SEMA6D: variants seen among roughly 807,000 people sequenced by gnomAD.
SEMA6D encodes the protein semaphorin 6D.
In SEMA6D, 35 loss-of-function variants were observed where a neutral mutation model predicts 106.6. The observed-to-expected ratio is 0.33, with a 90% CI of 0.25 to 0.44. The LOEUF (loss-of-function observed/expected upper bound fraction) is 0.44. Ranked by LOEUF, SEMA6D falls within the 20% of genes least tolerant of loss-of-function variation. The pLI, the probability that SEMA6D is intolerant of heterozygous loss-of-function variation, is 1.00. For missense variants in SEMA6D, 1,185 were observed against 1,345.9 expected, an observed-to-expected ratio of 0.88 and a Z score of 1.87; for synonymous variants, 499 against 487.7, an observed-to-expected ratio of 1.02 and a Z score of -0.31.
chr15:47,198,792 T>C (rs567790912), intron 1 of SEMA6D, among the ~76,000 whole-genome samples: 1 of 152,184 alleles, frequency 6.6e-6, no homozygotes, highest in Non-Finnish European at 1.5e-5. Flanking sequence ...ACCAATATTT[T>C]TGACAAACTG....
At chr15:47,305,320 G>C (rs1276672470) in intron 1 of SEMA6D, among the ~76,000 whole-genome samples, 1 of 152,204 alleles carries the variant, frequency 6.6e-6, no homozygotes, top group Non-Finnish European at 1.5e-5. Context: ...TGGCCCATGG[G>C]ATGACCTGGT....
chr15:47,627,670 A>G (rs2077226115), intron 4 of SEMA6D, among the ~76,000 whole-genome samples: 1 of 152,164 alleles, frequency 6.6e-6, no homozygotes, highest in Non-Finnish European at 1.5e-5. Flanking sequence ...ACACTCTTGT[A>G]AGAAATAGTG....
intron 4 of SEMA6D, among the ~76,000 whole-genome samples, chr15:47,685,341 G>T (rs2078445803): frequency 6.6e-6 from 1 of 152,188 alleles, no homozygotes; most frequent in South Asian, 2.1e-4. Context: ...AGGCAGGAGG[G>T]AGAGAGAAGG....
chr15:47,314,679 A>G (rs1029973384), intron 1 of SEMA6D, among the ~76,000 whole-genome samples: 6 of 150,844 alleles, frequency 4.0e-5, no homozygotes, highest in African/African-American at 7.3e-5. Context: ...TTCTTTTGCA[A>G]ATATTTTCTT....
intron 2 of SEMA6D, among the ~76,000 whole-genome samples, chr15:47,437,145 G>A (rs972497291): frequency 6.6e-6 from 1 of 152,036 alleles, no homozygotes; most frequent in South Asian, 2.1e-4. Flanking sequence ...TCCTCACCAT[G>A]AAAAAGAAGT....
intron 4 of SEMA6D, among the ~76,000 whole-genome samples, chr15:47,610,657 A>G (rs992491354): frequency 2.6e-5 from 4 of 152,194 alleles, no homozygotes; most frequent in African/African-American, 9.7e-5. Context: ...CATTCGGAGT[A>G]TAATAATTTA....
In SEMA6D at chr15:47,550,059, A is replaced by G. The variant is rs549843324; in HGVS notation, c.-86-50806A>G. Among the ~76,000 whole-genome samples, 229 of 152,320 alleles carry G rather than the reference A, an allele frequency of 1.5e-3. 1 individual carries two copies. The highest frequency in any genetic ancestry group is 2.4e-3 in the Non-Finnish European group (163 of 68,020). ...TGCCCAAGTATTGGCCTTTTGAGACACTGGAGAACATGTTGCTATGGTATG... is the reference window on the plus strand; with the variant it reads ...TGCCCAAGTATTGGCCTTTTGAGACGCTGGAGAACATGTTGCTATGGTATG... On this transcript the variant is annotated intron_variant, in intron 3 of 19. Transcript: ENST00000558014.
At chr15:47,225,423 T>C (rs1172923461) in intron 1 of SEMA6D, among the ~76,000 whole-genome samples, 1 of 151,840 alleles carries the variant, frequency 6.6e-6, no homozygotes, top group African/African-American at 2.4e-5. Flanking sequence ...GAACATCTAT[T>C]CATATGCTTA....
intron 3 of SEMA6D, among the ~76,000 whole-genome samples, chr15:47,499,929 G>T (rs962373128): frequency 3.1e-5 from 4 of 129,264 alleles, no homozygotes; most frequent in Non-Finnish European, 6.7e-5. Context: ...ACCCATGGAG[G>T]TTCTTGACAT....
rs116585603 is a variant in SEMA6D at position 47,663,057 on chromosome 15, G to A, written c.-55+62161G>A. The stretch of plus-strand genomic sequence containing the variant: ...ATGCCAGAAGGCATTGAAGATCAGA[G>A]TAAAGTACTCGTAATTAAATTTCAA... On this transcript the variant is annotated intron_variant, in intron 4 of 19. Transcript: ENST00000558014. Among the ~76,000 whole-genome samples the A allele has an allele frequency of 4.1e-3, 623 of 152,234 alleles. 4 individuals carry two copies. Among genetic ancestry groups the A allele is most frequent in the African/African-American group, 0.014 (575 of 41,532 alleles).
chr15:47,499,246 C>A (rs1020437064), intron 3 of SEMA6D, among the ~76,000 whole-genome samples: 1 of 152,074 alleles, frequency 6.6e-6, no homozygotes, highest in African/African-American at 2.4e-5. Flanking sequence ...GATATTTTCT[C>A]CTCTCTAGTC....
intron 3 of SEMA6D, among the ~76,000 whole-genome samples, chr15:47,483,541 T>C (rs991273235): frequency 1.1e-4 from 17 of 152,156 alleles, no homozygotes; most frequent in African/African-American, 3.6e-4. Flanking sequence ...GAGTCTTAAC[T>C]GTAATAGTCA....
chr15:47,391,120 G>T (rs926113959), intron 1 of SEMA6D, among the ~76,000 whole-genome samples: 1 of 152,120 alleles, frequency 6.6e-6, no homozygotes, highest in Admixed American at 6.5e-5. Flanking sequence ...TTCCTCTTAA[G>T]TTGTGAGATA....
intron 1 of SEMA6D, among the ~76,000 whole-genome samples, chr15:47,322,852 A>C (rs2036975875): frequency 6.6e-6 from 1 of 152,166 alleles, no homozygotes; most frequent in Non-Finnish European, 1.5e-5. Flanking sequence ...TTCCTTCCCT[A>C]AGAGAACATA....
intron 3 of SEMA6D, among the ~76,000 whole-genome samples, chr15:47,541,198 A>C (rs2045342713): frequency 6.6e-6 from 1 of 152,168 alleles, no homozygotes; most frequent in Non-Finnish European, 1.5e-5. Flanking sequence ...GAAATACTCA[A>C]GTGTTTGGTT....
chr15:47,766,511 GC>G, intron 15 of SEMA6D, 104 bp from the exon 16 acceptor site: 1 of 902,972 alleles, frequency 1.1e-6, no homozygotes, highest in Non-Finnish European at 1.7e-6. Flanking sequence ...TTCTCTCTCT[GC>G]CCATTCTTAC....
At chr15:47,308,829 C>T (rs1294852792) in intron 1 of SEMA6D, among the ~76,000 whole-genome samples, 5 of 152,150 alleles carry the variant, frequency 3.3e-5, no homozygotes, top group Non-Finnish European at 7.3e-5. Flanking sequence ...TGGACAGTAG[C>T]TAAAATCAAA....
At chr15:47,452,482 A>T (rs953757369) in intron 2 of SEMA6D, among the ~76,000 whole-genome samples, 2 of 152,038 alleles carry the variant, frequency 1.3e-5, no homozygotes, top group Non-Finnish European at 2.9e-5. Context: ...ACCTATGGTG[A>T]TGTCTTCAAA....
chr15:47,262,225 A>G (rs533595634), intron 1 of SEMA6D, among the ~76,000 whole-genome samples: 3 of 152,316 alleles, frequency 2.0e-5, no homozygotes, highest in African/African-American at 7.2e-5. Flanking sequence ...GCCCATGCAT[A>G]GGAAGAATCA....
Sources: allele counts gnomAD v4.1 joint callset (sites outside exome capture counted in the v4.1 genomes callset), GRCh38; gene constraint gnomAD v4.1.1; transcripts MANE v1.5; gene names NCBI Gene and HGNC (gene_info 2026-07-23, HGNC 2026-07-21).